Variants in CALN1 observed in about 807,000 individuals in gnomAD.
The protein encoded by CALN1 is calneuron 1, also known as calcium-binding protein 8.
In CALN1, 17 loss-of-function variants were observed where a neutral mutation model predicts 30.6. The ratio of observed to expected loss-of-function variants is 0.56; its 90% CI spans 0.38 to 0.83. The LOEUF (loss-of-function observed/expected upper bound fraction) is 0.83, where lower values mean the gene tolerates loss of function less well. Ranked by LOEUF, CALN1 falls within the 40% of genes least tolerant of loss-of-function variation. The pLI is 0.00. For synonymous variants in CALN1, 156 were observed against 131.4 expected (o/e 1.19, Z -1.28); for missense variants, 291 against 354.9 (o/e 0.82, Z 1.45).
At chr7:71,888,295 G>A (rs937195899) in intron 5 of CALN1, among the ~76,000 whole-genome samples, 1 of 151,812 alleles carries the variant, frequency 6.6e-6, no homozygotes, top group African/African-American at 2.4e-5. Flanking sequence ...GGTTTATTTT[G>A]GGGGGAGATG....
rs184362650 is a variant in CALN1, at chr7:72,303,352, C to T, written c.120-24542G>A. 1.2e-3 allele frequency among the ~76,000 whole-genome samples: 183 copies of T among 152,122 alleles called. 1 individual carries two copies. Among genetic ancestry groups the T allele is most frequent in the African/African-American group, 4.2e-3 (173 of 41,496 alleles). On this transcript the variant is annotated intron_variant, in intron 2 of 6. Coordinates refer to ENST00000395275, the MANE Select transcript of CALN1 (RefSeq NM_031468.4). ...ACCAGGTGGCCAGATCATCTGAGGT[C>T]GGGAGTTCAAGACCAGCCTGACCAA...
At chr7:71,996,476 T>C (rs966796446) in intron 5 of CALN1, among the ~76,000 whole-genome samples, 1 of 152,200 alleles carries the variant, frequency 6.6e-6, no homozygotes, top group African/African-American at 2.4e-5. Flanking sequence ...AGTGAGAACA[T>C]GTGGTGTTTG....
intron 3 of CALN1, among the ~76,000 whole-genome samples, chr7:72,269,775 A>G (rs1796851765): frequency 6.6e-6 from 1 of 152,250 alleles, no homozygotes; most frequent in African/African-American, 2.4e-5. Context: ...TGTTCAGTCT[A>G]TAGTCAAATA....
intron 5 of CALN1, among the ~76,000 whole-genome samples, chr7:71,824,844 C>A (rs1240831857): frequency 6.6e-6 from 1 of 152,158 alleles, no homozygotes; most frequent in African/African-American, 2.4e-5. Context: ...GGTTGCAGTG[C>A]ACCACAATAG....
intron 3 of CALN1, among the ~76,000 whole-genome samples, chr7:72,277,341 G>A (rs1797401857): frequency 6.6e-6 from 1 of 152,172 alleles, no homozygotes; most frequent in Admixed American, 6.5e-5. Context: ...CTTTGGAGGA[G>A]GTCAGAGCTC....
At position 72,445,387 on chromosome 7, in the gene CALN1, C is replaced by T. The variant is rs567860228; in HGVS notation, c.-226+1655G>A. On this transcript the variant is annotated intron_variant, in intron 1 of 6. Coordinates refer to the CALN1 transcript ENST00000395276. ...CCTCAGTCCGCTTCTACCCTCAGCT[C>T]CAGGTGAGAATCTGACCCTCACAGA... is the stretch of plus-strand genomic sequence containing the variant. Among the ~76,000 whole-genome samples the T allele has an allele frequency of 3.1e-3, 466 of 151,816 alleles. 2 individuals carry two copies. The highest frequency in any genetic ancestry group is 9.5e-3 in the African/African-American group (394 of 41,488).
At chr7:72,356,510 C>A (rs569467970) in intron 2 of CALN1, among the ~76,000 whole-genome samples, 2 of 151,762 alleles carry the variant, frequency 1.3e-5, no homozygotes, top group East Asian at 1.9e-4. Context: ...ATACACACTG[C>A]GGTCTCTAGG....
chr7:72,502,538 T>C, the CALN1 span, among the ~76,000 whole-genome samples: 2 of 151,950 alleles, frequency 1.3e-5, no homozygotes, highest in African/African-American at 4.8e-5. Context: ...ACTTTCACCA[T>C]ATTTTAGCTT....
intron 3 of CALN1, among the ~76,000 whole-genome samples, chr7:72,195,116 C>T (rs1254900246): frequency 1.3e-5 from 2 of 152,168 alleles, no homozygotes; most frequent in Admixed American, 6.5e-5. Context: ...TTGCCAAGTG[C>T]CTTCATGCAT....
intron 3 of CALN1, among the ~76,000 whole-genome samples, chr7:72,162,191 G>C (rs1231153498): frequency 6.6e-6 from 1 of 151,806 alleles, no homozygotes; most frequent in Non-Finnish European, 1.5e-5. Context: ...AATTCACTGA[G>C]AGTCACATAA....
At chr7:72,331,013 G>A (rs2944821) in intron 2 of CALN1, among the ~76,000 whole-genome samples, 2 of 151,932 alleles carry the variant, frequency 1.3e-5, no homozygotes, top group Admixed American at 1.3e-4. Flanking sequence ...CAACATCACT[G>A]TCACTGTCTT....
intron 2 of CALN1, among the ~76,000 whole-genome samples, chr7:72,285,194 T>C (rs1585360744): frequency 2.0e-5 from 3 of 152,302 alleles, no homozygotes; most frequent in South Asian, 2.1e-4. Flanking sequence ...GATTTTTGTA[T>C]ATTTTTGCTT....
chr7:72,008,951 C>T (rs1451886093), intron 5 of CALN1, among the ~76,000 whole-genome samples: 5 of 152,108 alleles, frequency 3.3e-5, no homozygotes, highest in East Asian at 1.9e-4. Context: ...CCACTGTGCC[C>T]GGCCTCAAAT....
chr7:71,921,012 A>G (rs1794917286), intron 5 of CALN1, among the ~76,000 whole-genome samples: 1 of 152,238 alleles, frequency 6.6e-6, no homozygotes, highest in Non-Finnish European at 1.5e-5. Flanking sequence ...ACACCATGGA[A>G]TACTATGCAG....
chr7:72,277,090 A>C lies in CALN1; in HGVS notation c.244+1596T>G, dbSNP rs114697711. On this transcript the variant is annotated intron_variant, in intron 3 of 6. Coordinates refer to ENST00000395275, the MANE Select transcript of CALN1 (RefSeq NM_031468.4). Reference sequence around the variant, plus strand: ...CTAGTCTATGGTGTTTTGTTATAGCAGCCTGAACAGACCAAGACGCCACCC... The same window carrying C: ...CTAGTCTATGGTGTTTTGTTATAGCCGCCTGAACAGACCAAGACGCCACCC... 1.0e-2 allele frequency among the ~76,000 whole-genome samples: 1,511 copies of C among 151,188 alleles called. 17 individuals carry two copies. Among genetic ancestry groups the C allele is most frequent in the African/African-American group, 0.036 (1,468 of 40,950 alleles).
chr7:72,387,504 T>C (rs1308086484), intron 2 of CALN1, among the ~76,000 whole-genome samples: 1 of 152,056 alleles, frequency 6.6e-6, no homozygotes, highest in African/African-American at 2.4e-5. Context: ...CCCCGGGTGA[T>C]CAAGGTCAAC....
intron 5 of CALN1, among the ~76,000 whole-genome samples, chr7:71,934,100 T>C (rs1056254229): frequency 6.6e-6 from 1 of 152,212 alleles, no homozygotes; most frequent in African/African-American, 2.4e-5. Flanking sequence ...TTTTTTTAAA[T>C]GTGACTTATA....
intron 5 of CALN1, among the ~76,000 whole-genome samples, chr7:71,875,217 G>A (rs1792176640): frequency 2.7e-5 from 4 of 149,796 alleles, no homozygotes; most frequent in Admixed American, 2.0e-4. Flanking sequence ...TCTAGTGAAT[G>A]GTGTCACCAG....
chr7:72,150,872 T>TATGATGATGATGATGATGATGATGATG (rs139046404), intron 3 of CALN1, among the ~76,000 whole-genome samples: 1 of 150,424 alleles, frequency 6.6e-6, no homozygotes, highest in Non-Finnish European at 1.5e-5. Flanking sequence ...GCTGTGATGA[T>TATGATGATGATGATGATGATGATGATG]ATGATGATGA....
Sources: allele counts gnomAD v4.1 joint callset (sites outside exome capture counted in the v4.1 genomes callset), GRCh38; gene constraint gnomAD v4.1.1; transcripts MANE v1.5; gene names NCBI Gene and HGNC (gene_info 2026-07-23, HGNC 2026-07-21).